The following PTPRQ variants were observed in gnomAD, a reference collection of about 807,000 sequenced individuals.
PTPRQ encodes the protein protein tyrosine phosphatase receptor type Q, also known as phosphatidylinositol phosphatase PTPRQ.
A neutral mutation model predicts 246.0 loss-of-function variants in PTPRQ; 199 were observed. That is an observed-to-expected ratio of 0.81 (90% CI 0.72 to 0.91). PTPRQ has a LOEUF of 0.91. Among genes scored for constraint, PTPRQ ranks in the 40% least tolerant of loss-of-function variants. The probability of loss-of-function intolerance (pLI) is 0.00; values close to 1 mark genes in which losing one functional copy is unlikely to be tolerated. For synonymous variants in PTPRQ, 869 were observed against 853.2 expected (o/e 1.02, Z -0.32); for missense variants, 2,624 against 2,528.4 (o/e 1.04, Z -0.81).
At chr12:80,603,302 A>T (rs11114523) in intron 26 of PTPRQ, among the ~76,000 whole-genome samples, 2,883 of 151,758 alleles carry the variant, frequency 0.019, 90 homozygotes, top group African/African-American at 0.065. Context: ...AAATAACTTA[A>T]CTTTTTCATA....
Position 80,670,273 on chromosome 12 carries a change from G to T in PTPRQ, c.6454-71G>T, listed in dbSNP as rs1041429766. 3 of 1,525,534 alleles carry T rather than the reference G, an allele frequency of 2.0e-6. No homozygotes were observed. The African/African-American group carries it at 4.2e-5, about 21-fold the overall frequency. 94.5% of individuals were successfully genotyped at this position (1,525,534 alleles called of 1,614,324 possible). A position where few individuals can be genotyped will look rare whatever the true frequency, so the allele number is the denominator to read the frequency against. On this transcript the variant is annotated intron_variant, in intron 41 of 44. Coordinates refer to ENST00000644991, the MANE Select transcript of PTPRQ (RefSeq NM_001145026.2). ...TTAAAAGATCACCTTCAAAAACTGG[G>T]ACTATTGCCTTCAACCTTCATTGTG...
chr12:80,514,711 A>G (rs1237262293), intron 17 of PTPRQ, among the ~76,000 whole-genome samples: 3 of 145,516 alleles, frequency 2.1e-5, no homozygotes, highest in Admixed American at 7.0e-5. Flanking sequence ...CAATATAAGT[A>G]TATGTATATA....
intron 17 of PTPRQ, among the ~76,000 whole-genome samples, chr12:80,526,469 G>A (rs1353870153): frequency 6.6e-6 from 1 of 152,030 alleles, no homozygotes; most frequent in Non-Finnish European, 1.5e-5. Context: ...ATATAGTAAG[G>A]TGAAGGTGAT....
rs141764792 is a variant in PTPRQ, at chr12:80,572,189, ATTAT to A, written c.4286-15933_4286-15930del. On this transcript the variant is annotated intron_variant, in intron 25 of 44. Coordinates refer to ENST00000644991, the MANE Select transcript of PTPRQ (RefSeq NM_001145026.2). Reference sequence around the variant, plus strand: ...ATGTTATTATTTCTCCATTTTTAAAATTATTTATTTCAGTAATGTTTTGTGGTTT... The same window carrying A: ...ATGTTATTATTTCTCCATTTTTAAAATTATTTCAGTAATGTTTTGTGGTTT... Among the ~76,000 whole-genome samples the A allele has an allele frequency of 2.0e-3, 310 of 152,216 alleles. 3 individuals are homozygous for A. Among genetic ancestry groups the A allele is most frequent in the African/African-American group, 7.0e-3 (289 of 41,564 alleles).
intron 6 of PTPRQ, chr12:80,462,049 A>G (rs1380575237): frequency 1.4e-6 from 1 of 699,828 alleles, no homozygotes. Flanking sequence ...AGAGAGCCGA[A>G]GCAGGGCGAG....
chr12:80,495,288 C>G lies in PTPRQ; in HGVS notation c.1799C>G (p.Thr600Ser). The G allele has an allele frequency of 1.3e-6, 2 of 1,546,298 alleles. No individual in the cohort carries two copies. Among genetic ancestry groups the G allele is most frequent in the Non-Finnish European group, 1.7e-6 (2 of 1,145,294 alleles). ...DPPEYPNGKI[T>S]HYTIYAMELD... ...CCAGAATATCCCAATGGAAAAATAA[C>G]TCACTATACGATTTATGCAATGGAA... Residue 600 changes from threonine (T) to serine (S), a missense_variant, in exon 12 of 45, where the codon ACT (threonine) becomes AGT (serine). Thr to Ser is a moderately conservative substitution (Grantham distance 58). Transcript: ENST00000644991.
intron 7 of PTPRQ, among the ~76,000 whole-genome samples, chr12:80,469,983 A>T (rs1893572143): frequency 6.6e-6 from 1 of 152,232 alleles, no homozygotes; most frequent in African/African-American, 2.4e-5. Flanking sequence ...ATGGGAGAAG[A>T]TCATTGGAAC....
intron 30 of PTPRQ, 63 bp downstream of exon 30, chr12:80,616,329 T>C: frequency 7.1e-7 from 1 of 1,407,390 alleles, no homozygotes. Context: ...TTAAATTCCA[T>C]ACTTGAAATA....
At chr12:80,450,641 G>A (rs541670003) in intron 3 of PTPRQ, among the ~76,000 whole-genome samples, 13 of 152,084 alleles carry the variant, frequency 8.5e-5, no homozygotes, top group Middle Eastern at 3.4e-3. Flanking sequence ...ATAATCATGC[G>A]GTTTTTGTCT....
chr12:80,534,152 T>A lies in PTPRQ; in HGVS notation c.2816T>A (p.Ile939Asn). ...GATGGGAAAACAAGAAGCAATATCA[T>A]TAGCTTTCAAACACCAGAGGGAGGT... ...FGDGKTRSNI[I>N]SFQTPEGAPS... Residue 939 changes from isoleucine to asparagine, a missense_variant, in exon 18 of 45, where the codon ATT becomes AAT. By Grantham distance (149) the Ile-to-Asn change is moderately radical. Coordinates refer to ENST00000644991, the MANE Select transcript of PTPRQ (RefSeq NM_001145026.2). 2 of 1,539,686 alleles carry A rather than the reference T, an allele frequency of 1.3e-6. No individual in the cohort carries two copies. The highest frequency in any genetic ancestry group is 1.8e-6 in the Non-Finnish European group (2 of 1,141,568).
At chr12:80,634,871 A>C in intron 34 of PTPRQ, 74 bp from the exon 35 acceptor site, 1 of 1,509,248 alleles carries the variant, frequency 6.6e-7, no homozygotes, top group Admixed American at 2.2e-5. Context: ...GTCTTTACTT[A>C]AAAAGAAAAC....
At chr12:80,535,409 T>G (rs1895956785) in intron 19 of PTPRQ, among the ~76,000 whole-genome samples, 1 of 152,204 alleles carries the variant, frequency 6.6e-6, no homozygotes, top group African/African-American at 2.4e-5. Context: ...TAGCTAAATT[T>G]TTTTTCATTT....
At chr12:80,461,323 A>T (rs1592531048) in intron 6 of PTPRQ, among the ~76,000 whole-genome samples, 3 of 152,246 alleles carry the variant, frequency 2.0e-5, no homozygotes, top group Admixed American at 2.0e-4. Context: ...TACAAGCAGT[A>T]GCTAAAATAT....
At chr12:80,589,679 A>T (rs1041340043) in intron 26 of PTPRQ, among the ~76,000 whole-genome samples, 2 of 152,164 alleles carry the variant, frequency 1.3e-5, no homozygotes, top group African/African-American at 4.8e-5. Flanking sequence ...AATGTTTGTT[A>T]ATATAATTTG....
At chr12:80,678,564 C>A in intron 43 of PTPRQ, 38 bp from the exon 44 acceptor site, 1 of 1,508,298 alleles carries the variant, frequency 6.6e-7, no homozygotes, top group Non-Finnish European at 8.9e-7. Flanking sequence ...AACTCTTCAT[C>A]AATATATTTG....
At chr12:80,581,807 A>C (rs1240484301) in intron 25 of PTPRQ, among the ~76,000 whole-genome samples, 1 of 152,194 alleles carries the variant, frequency 6.6e-6, no homozygotes, top group Non-Finnish European at 1.5e-5. Context: ...AAGTAGAAAA[A>C]ATACAAATGA....
chr12:80,554,679 T>C (rs1896591708), intron 25 of PTPRQ, among the ~76,000 whole-genome samples: 1 of 152,200 alleles, frequency 6.6e-6, no homozygotes, highest in Non-Finnish European at 1.5e-5. Context: ...TCCACTGAGC[T>C]TGCAAATATA....
intron 17 of PTPRQ, among the ~76,000 whole-genome samples, chr12:80,523,107 G>C (rs942163904): frequency 2.0e-5 from 3 of 152,116 alleles, no homozygotes; most frequent in Middle Eastern, 6.8e-3. Context: ...TGTATGTGTC[G>C]AGGAATTTAT....
At chr12:80,490,978 C>T (rs1894429708) in intron 9 of PTPRQ, among the ~76,000 whole-genome samples, 1 of 151,890 alleles carries the variant, frequency 6.6e-6, no homozygotes, top group Non-Finnish European at 1.5e-5. Context: ...TTAGTGATAA[C>T]ATTCTGGGTT....
Sources: allele counts gnomAD v4.1 joint callset (sites outside exome capture counted in the v4.1 genomes callset), GRCh38; gene constraint gnomAD v4.1.1; transcripts MANE v1.5; gene names NCBI Gene and HGNC (gene_info 2026-07-23, HGNC 2026-07-21).